Variants in MTMR7 observed in about 807,000 individuals in gnomAD.
MTMR7 encodes phosphatidylinositol-3-phosphate phosphatase MTMR7.
MTMR7 carries 76 observed loss-of-function variants against 81.2 expected under a neutral mutation model. The observed-to-expected ratio is 0.94, with a 90% CI of 0.78 to 1.13. The LOEUF is 1.13. MTMR7 is among the 50% of genes most tolerant of loss of function. The pLI, the probability that MTMR7 is intolerant of heterozygous loss-of-function variation, is 0.00. For missense variants in MTMR7, 1,044 were observed against 820.0 expected (o/e 1.27, Z -3.34); for synonymous variants, 372 against 289.8 (o/e 1.28, Z -2.88).
intron 8 of MTMR7, among the ~76,000 whole-genome samples, chr8:17,312,091 A>G (rs1301666389): frequency 6.6e-6 from 1 of 152,234 alleles, no homozygotes; most frequent in Non-Finnish European, 1.5e-5. Flanking sequence ...TGTAAGGTTG[A>G]GGAAAGGAAA....
At chr8:17,380,831 G>T (rs887184829) in intron 1 of MTMR7, among the ~76,000 whole-genome samples, 1 of 152,140 alleles carries the variant, frequency 6.6e-6, no homozygotes, top group African/African-American at 2.4e-5. Context: ...CATGAAATTA[G>T]TACTTGAAAA....
At chr8:17,409,175 G>A (rs955939582) in intron 1 of MTMR7, among the ~76,000 whole-genome samples, 1 of 152,100 alleles carries the variant, frequency 6.6e-6, no homozygotes, top group African/African-American at 2.4e-5. Flanking sequence ...ATAAAGTAAT[G>A]AGGCTGGGCA....
intron 1 of MTMR7, among the ~76,000 whole-genome samples, chr8:17,386,662 CT>C (rs576768524): frequency 1.3e-3 from 204 of 152,300 alleles, no homozygotes; most frequent in African/African-American, 4.6e-3. Context: ...CCAGTTGCCC[CT>C]GTCCCATCTC....
intron 1 of MTMR7, among the ~76,000 whole-genome samples, chr8:17,401,272 A>C (rs1821421952): frequency 1.3e-5 from 2 of 152,172 alleles, no homozygotes; most frequent in African/African-American, 4.8e-5. Context: ...AGATCTAAAA[A>C]AGTGTGGGAG....
intron 13 of MTMR7, 107 bp from the exon 14 acceptor site, chr8:17,300,331 GA>G: frequency 8.1e-7 from 1 of 1,227,438 alleles, no homozygotes; most frequent in East Asian, 2.5e-5. Context: ...ATAATGTTAA[GA>G]ACATGTGACT....
intron 8 of MTMR7, 62 bp downstream of exon 8, chr8:17,313,230 C>T: frequency 8.1e-7 from 1 of 1,242,200 alleles, no homozygotes; most frequent in Non-Finnish European, 1.2e-6. Flanking sequence ...AGAGGGATAC[C>T]CATTTTGAAG....
chr8:17,318,423 A>G (rs1012521208), intron 7 of MTMR7, among the ~76,000 whole-genome samples: 1 of 152,138 alleles, frequency 6.6e-6, no homozygotes, highest in African/African-American at 2.4e-5. Context: ...AAGGTACAGG[A>G]TGAGCACCCC....
rs1315141010 is a variant in MTMR7 at position 17,297,117 on chromosome 8, G to A, written c.*2745C>T. ...GGAGAAGCAGTGCCACAGGAAAAATGAAATGCATGTGAAAGTTTGTATTCT... is the reference window on the plus strand; with the variant it reads ...GGAGAAGCAGTGCCACAGGAAAAATAAAATGCATGTGAAAGTTTGTATTCT... On this transcript the variant is annotated 3_prime_UTR_variant, in exon 14 of 14. Transcript: ENST00000180173. The A allele has an allele frequency of 6.6e-6, 1 of 152,120 alleles. No homozygotes were observed. The highest frequency in any genetic ancestry group is 2.4e-5 in the African/African-American group (1 of 41,434). The allele number at this position is 152,120 out of a possible 1,614,324, so 9.4% of individuals were successfully genotyped here. A position where few individuals can be genotyped will look rare whatever the true frequency, so the allele number is the denominator to read the frequency against.
At chr8:17,375,626 T>C (rs1352965989) in intron 1 of MTMR7, among the ~76,000 whole-genome samples, 2 of 152,158 alleles carry the variant, frequency 1.3e-5, no homozygotes, top group East Asian at 1.9e-4. Context: ...TTCTTACATA[T>C]TTATAAGACC....
chr8:17,406,937 G>C (rs1187774424), intron 1 of MTMR7, among the ~76,000 whole-genome samples: 1 of 152,098 alleles, frequency 6.6e-6, no homozygotes, highest in Non-Finnish European at 1.5e-5. Context: ...TGTATATTTA[G>C]TGGTTACCTT....
chr8:17,345,032 T>C lies in MTMR7; in HGVS notation c.598-3535A>G, dbSNP rs188621640. 5.3e-5 allele frequency among the ~76,000 whole-genome samples: 8 copies of C among 152,248 alleles called. No homozygotes were observed. In the East Asian group the frequency reaches 1.5e-3, roughly 29 times the overall value. ...AATTCTAAGAACTCTCAAAGAAAGA[T>C]GCACAGAATTCCGAACGCACATGAC... On this transcript the variant is annotated intron_variant, in intron 5 of 13. Coordinates refer to ENST00000180173, the MANE Select transcript of MTMR7 (RefSeq NM_004686.5).
At position 17,355,329 on chromosome 8, in the gene MTMR7, T is replaced by G. The variant is rs76082705; in HGVS notation, c.468+5788A>C. Among the ~76,000 whole-genome samples the G allele has an allele frequency of 0.028, 4,245 of 152,274 alleles. 464 individuals carry two copies. The East Asian group carries it at 0.32, about 11-fold the overall frequency. ...ATTACATGAGTCAGATACTTTATAA[T>G]AATTAACTTTATGGTTGTTAAATTT... On this transcript the variant is annotated intron_variant, in intron 4 of 13. Transcript: ENST00000180173.
chr8:17,373,690 T>C (rs1219961740), intron 1 of MTMR7, among the ~76,000 whole-genome samples: 2 of 152,214 alleles, frequency 1.3e-5, no homozygotes, highest in Non-Finnish European at 2.9e-5. Context: ...GGCTCTTTGC[T>C]TCCATACAAA....
At chr8:17,313,634 G>A (rs974180447) in intron 7 of MTMR7, among the ~76,000 whole-genome samples, 2 of 152,094 alleles carry the variant, frequency 1.3e-5, no homozygotes, top group African/African-American at 2.4e-5. Flanking sequence ...TTGTTTACAA[G>A]TATTATATAT....
chr8:17,396,837 G>A (rs1324798035), intron 1 of MTMR7, among the ~76,000 whole-genome samples: 1 of 151,672 alleles, frequency 6.6e-6, no homozygotes, highest in Non-Finnish European at 1.5e-5. Flanking sequence ...GGAGAGGAGA[G>A]CAAAGAGTAA....
At chr8:17,387,695 G>A (rs1165895976) in intron 1 of MTMR7, among the ~76,000 whole-genome samples, 1 of 152,084 alleles carries the variant, frequency 6.6e-6, no homozygotes, top group Admixed American at 6.6e-5. Flanking sequence ...ACAGATTTTG[G>A]AGCCACCTAA....
chr8:17,374,535 C>T (rs771872268), intron 1 of MTMR7, among the ~76,000 whole-genome samples: 8 of 152,024 alleles, frequency 5.3e-5, no homozygotes, highest in Non-Finnish European at 1.2e-4. Flanking sequence ...GCAGGAGAAT[C>T]GCTTGAACCC....
intron 4 of MTMR7, among the ~76,000 whole-genome samples, chr8:17,357,661 A>G (rs1048455372): frequency 2.6e-5 from 4 of 152,248 alleles, no homozygotes; most frequent in African/African-American, 7.2e-5. Flanking sequence ...ACCTACTGAC[A>G]TTAAGTGAGG....
At chr8:17,311,835 C>G (rs886319147) in intron 8 of MTMR7, 199 bp from the exon 9 acceptor site, 1 of 707,726 alleles carries the variant, frequency 1.4e-6, no homozygotes, top group Non-Finnish European at 2.3e-6. Flanking sequence ...CTTTCCCTTC[C>G]CATTCTATCC....
Sources: allele counts gnomAD v4.1 joint callset (sites outside exome capture counted in the v4.1 genomes callset), GRCh38; gene constraint gnomAD v4.1.1; transcripts MANE v1.5; gene names NCBI Gene and HGNC (gene_info 2026-07-23, HGNC 2026-07-21).